SCHIP1: variants seen among roughly 807,000 people sequenced by gnomAD.
SCHIP1 encodes the protein schwannomin-interacting protein 1.
A neutral mutation model predicts 29.7 loss-of-function variants in SCHIP1; 8 were observed. The observed-to-expected ratio is 0.27, with a 90% CI of 0.16 to 0.49. The LOEUF (loss-of-function observed/expected upper bound fraction) is 0.49. Ranked by LOEUF, SCHIP1 falls within the 20% of genes least tolerant of loss-of-function variation. SCHIP1 has a pLI of 0.99. For synonymous variants in SCHIP1, 76 were observed against 94.9 expected, an observed-to-expected ratio of 0.80 and a Z score of 1.16; for missense variants, 193 against 294.6, an observed-to-expected ratio of 0.66 and a Z score of 2.52.
the SCHIP1 span, among the ~76,000 whole-genome samples, chr3:159,403,891 G>A: frequency 6.6e-6 from 1 of 152,184 alleles, no homozygotes; most frequent in Non-Finnish European, 1.5e-5. Flanking sequence ...CTTAAGGAGA[G>A]GAGAGGGAAG....
chr3:159,678,761 G>T, the SCHIP1 span, among the ~76,000 whole-genome samples: 11 of 152,294 alleles, frequency 7.2e-5, no homozygotes, highest in African/African-American at 2.4e-4. Flanking sequence ...CCACATGGCC[G>T]GGGAGGCCTC....
chr3:159,288,974 A>G, the SCHIP1 span, among the ~76,000 whole-genome samples: 6 of 152,328 alleles, frequency 3.9e-5, no homozygotes, highest in South Asian at 6.2e-4. Flanking sequence ...ATCAAGAGAA[A>G]TGCTGGAATT....
chr3:159,433,830 T>C, the SCHIP1 span, among the ~76,000 whole-genome samples: 1 of 152,198 alleles, frequency 6.6e-6, no homozygotes, highest in East Asian at 1.9e-4. Flanking sequence ...TTACTAAGAA[T>C]AGTTGTGCAA....
At chr3:159,822,037 A>G in the SCHIP1 span, among the ~76,000 whole-genome samples, 1 of 152,200 alleles carries the variant, frequency 6.6e-6, no homozygotes, top group South Asian at 2.1e-4. Context: ...ACTCAATTTA[A>G]ATTTTATAAA....
chr3:159,798,772 AAAC>A, the SCHIP1 span, among the ~76,000 whole-genome samples: 94 of 152,116 alleles, frequency 6.2e-4, 1 homozygote, highest in East Asian at 0.013. Flanking sequence ...AACAAAAACA[AAAC>A]AACAACAACA....
intron 2 of SCHIP1, among the ~76,000 whole-genome samples, chr3:159,879,402 G>A (rs1226631553): frequency 6.6e-6 from 1 of 151,824 alleles, no homozygotes; most frequent in Non-Finnish European, 1.5e-5. Context: ...TAACCTCTCT[G>A]AGCCGTTTTC....
chr3:159,651,429 A>T, the SCHIP1 span, among the ~76,000 whole-genome samples: 1 of 152,206 alleles, frequency 6.6e-6, no homozygotes, highest in Non-Finnish European at 1.5e-5. Flanking sequence ...TGTGGACAGC[A>T]AAGCTCCTGG....
the SCHIP1 span, among the ~76,000 whole-genome samples, chr3:159,685,298 A>G: frequency 1.3e-5 from 2 of 152,252 alleles, no homozygotes; most frequent in African/African-American, 4.8e-5. Flanking sequence ...CATTCATTAC[A>G]GAAAACATAA....
At chr3:159,329,537 G>A in the SCHIP1 span, among the ~76,000 whole-genome samples, 1 of 152,120 alleles carries the variant, frequency 6.6e-6, no homozygotes, top group Non-Finnish European at 1.5e-5. Flanking sequence ...TAATGAGAGG[G>A]CACAGTGGGA....
the SCHIP1 span, among the ~76,000 whole-genome samples, chr3:159,468,802 T>A: frequency 6.8e-6 from 1 of 147,550 alleles, no homozygotes; most frequent in Non-Finnish European, 1.5e-5. Context: ...AGTCTCACTC[T>A]GTTGCCCTGG....
the SCHIP1 span, among the ~76,000 whole-genome samples, chr3:159,738,931 A>C: frequency 6.6e-6 from 1 of 152,204 alleles, no homozygotes; most frequent in Non-Finnish European, 1.5e-5. Flanking sequence ...GGCAGAGAAA[A>C]TAGGCAATGC....
chr3:159,618,459 TG>T, the SCHIP1 span, among the ~76,000 whole-genome samples: 3 of 152,202 alleles, frequency 2.0e-5, no homozygotes, highest in African/African-American at 7.2e-5. Flanking sequence ...AACATATGTA[TG>T]TACACATTTA....
the SCHIP1 span, among the ~76,000 whole-genome samples, chr3:159,445,978 T>C: frequency 6.6e-6 from 1 of 151,840 alleles, no homozygotes; most frequent in Non-Finnish European, 1.5e-5. Context: ...TATACGTATG[T>C]AACTAACCTG....
the SCHIP1 span, among the ~76,000 whole-genome samples, chr3:159,593,206 G>T: frequency 6.6e-6 from 1 of 152,146 alleles, no homozygotes; most frequent in African/African-American, 2.4e-5. Flanking sequence ...ATCAGTTAGA[G>T]AAAACAAATT....
the SCHIP1 span, among the ~76,000 whole-genome samples, chr3:159,508,304 G>T: frequency 6.6e-6 from 1 of 152,282 alleles, no homozygotes; most frequent in African/African-American, 2.4e-5. Flanking sequence ...TGTGGGATCA[G>T]TGGTGATATC....
chr3:159,658,852 A>T, the SCHIP1 span, among the ~76,000 whole-genome samples: 1 of 152,172 alleles, frequency 6.6e-6, no homozygotes, highest in African/African-American at 2.4e-5. Context: ...AGTCTCCTAC[A>T]TCTCACTAAA....
At chr3:159,525,569 TG>T in the SCHIP1 span, among the ~76,000 whole-genome samples, 3 of 152,228 alleles carry the variant, frequency 2.0e-5, no homozygotes, top group Non-Finnish European at 4.4e-5. Context: ...GGAAGGTTCT[TG>T]GTGCATTGAG....
At chr3:159,814,199 G>A in the SCHIP1 span, among the ~76,000 whole-genome samples, 18 of 152,318 alleles carry the variant, frequency 1.2e-4, no homozygotes, top group African/African-American at 4.3e-4. Context: ...GGGACATGAA[G>A]GCCTGGACCT....
chr3:159,860,924 C>T (rs1426884370), intron 1 of SCHIP1, among the ~76,000 whole-genome samples: 1 of 152,116 alleles, frequency 6.6e-6, no homozygotes, highest in East Asian at 1.9e-4. Flanking sequence ...CTTTCCGGCT[C>T]TGTGGGTTTC....
Sources: gnomAD v4.1 joint callset for allele counts (sites outside exome capture counted in the v4.1 genomes callset) on GRCh38, gnomAD v4.1.1 for gene constraint, MANE v1.5 for transcripts, NCBI Gene and HGNC (gene_info 2026-07-23, HGNC 2026-07-21) for gene names.